Variants in PCSK5 observed in about 807,000 individuals in gnomAD.
PCSK5 encodes prohormone convertase 5.
Under a neutral mutation model 233.2 loss-of-function variants are expected in PCSK5, and 129 were observed. That is an observed-to-expected ratio of 0.55 (90% CI 0.48 to 0.64). The LOEUF (loss-of-function observed/expected upper bound fraction) is 0.64. Among genes scored for constraint, PCSK5 ranks in the 30% least tolerant of loss-of-function variants. PCSK5 has a pLI of 0.00. For missense variants in PCSK5, 2,076 were observed against 2,430.1 expected (o/e 0.85, Z 3.06); for synonymous variants, 825 against 879.2 (o/e 0.94, Z 1.09).
At chr9:76,181,262 C>T (rs1281270609) in intron 15 of PCSK5, 136 bp from the exon 16 acceptor site, 3 of 665,610 alleles carry the variant, frequency 4.5e-6, no homozygotes, top group Non-Finnish European at 7.6e-6. Context: ...ATCTGGCTCT[C>T]TGGATGTGGT....
At chr9:76,010,521 A>G (rs1827685887) in intron 3 of PCSK5, among the ~76,000 whole-genome samples, 3 of 152,216 alleles carry the variant, frequency 2.0e-5, no homozygotes, top group African/African-American at 7.2e-5. Context: ...GTGTTGGAGA[A>G]TAAAGTGGAA....
intron 8 of PCSK5, among the ~76,000 whole-genome samples, chr9:76,103,881 C>G (rs549250547): frequency 6.6e-6 from 1 of 152,206 alleles, no homozygotes; most frequent in East Asian, 1.9e-4. Flanking sequence ...TTGGAGCATG[C>G]AAGATGTGCC....
At chr9:76,092,870 CTCTT>C (rs1462689582) in intron 7 of PCSK5, among the ~76,000 whole-genome samples, 1 of 152,056 alleles carries the variant, frequency 6.6e-6, no homozygotes, top group Non-Finnish European at 1.5e-5. Flanking sequence ...TAACAATTGA[CTCTT>C]TGTTTTCCCT....
chr9:76,189,417 A>G (rs933818967), intron 19 of PCSK5, among the ~76,000 whole-genome samples, 194 bp downstream of exon 19: 3 of 152,166 alleles, frequency 2.0e-5, no homozygotes, highest in African/African-American at 4.8e-5. Context: ...GGGCACCTTA[A>G]AACCTTTAAT....
chr9:76,101,638 C>G (rs969776045), intron 8 of PCSK5, among the ~76,000 whole-genome samples: 2 of 152,126 alleles, frequency 1.3e-5, no homozygotes, highest in Non-Finnish European at 2.9e-5. Flanking sequence ...TCTCAGATTC[C>G]TCCTGGGAGG....
At position 76,108,404 on chromosome 9, in the gene PCSK5, C is replaced by T. The variant is rs543773721; in HGVS notation, c.1208+1053C>T. Among the ~76,000 whole-genome samples, 174 of 152,238 alleles carry T rather than the reference C, an allele frequency of 1.1e-3. 1 individual carries two copies. The highest frequency in any genetic ancestry group is 4.0e-3 in the African/African-American group (165 of 41,538). On this transcript the variant is annotated intron_variant, in intron 9 of 37. Transcript: ENST00000674117. ...CATCTAGCTGCACCCTGAAGTAGAG[C>T]GATAGCCAGTGACAGAGAAGGAATA... is the stretch of plus-strand genomic sequence containing the variant.
intron 20 of PCSK5, chr9:76,193,758 T>C (rs566402375): frequency 6.3e-6 from 1 of 159,650 alleles, no homozygotes; most frequent in Admixed American, 6.2e-5. Flanking sequence ...TAAAAATACC[T>C]TTCCAAAACA....
intron 2 of PCSK5, among the ~76,000 whole-genome samples, chr9:75,985,719 G>A (rs1826482247): frequency 6.6e-6 from 1 of 152,108 alleles, no homozygotes; most frequent in African/African-American, 2.4e-5. Flanking sequence ...TTGCATCAGA[G>A]ACCACGTGAC....
At chr9:75,903,226 G>A (rs79441458) in intron 1 of PCSK5, among the ~76,000 whole-genome samples, 2,598 of 152,100 alleles carry the variant, frequency 0.017, 36 homozygotes, top group South Asian at 0.034. Flanking sequence ...TTTAAAATGA[G>A]TCTTTAAAAT....
intron 13 of PCSK5, 50 bp from the exon 14 acceptor site, chr9:76,174,936 C>T: frequency 6.5e-7 from 1 of 1,540,980 alleles, no homozygotes; most frequent in Non-Finnish European, 8.8e-7. Flanking sequence ...TGTTACAGAG[C>T]TAAAGAGGGA....
intron 24 of PCSK5, among the ~76,000 whole-genome samples, chr9:76,250,336 ACTT>A (rs777026487): frequency 1.9e-4 from 29 of 152,262 alleles, no homozygotes; most frequent in Non-Finnish European, 3.5e-4. Context: ...ACTCCCTACT[ACTT>A]CTTACCTGTG....
chr9:76,095,907 C>T lies in PCSK5; in HGVS notation c.912C>T (p.Gly304=). 2 of 1,614,056 alleles carry T rather than the reference C, an allele frequency of 1.2e-6. No individual in the cohort carries two copies. The highest frequency in any genetic ancestry group is 1.3e-5 in the African/African-American group (1 of 75,004). The change falls in exon 8 of 38, where the codon GGC becomes GGT. Residue 304 remains glycine, a synonymous_variant. Coordinates refer to ENST00000674117, the MANE Select transcript of PCSK5 (RefSeq NM_001372043.1). ...GTGAACAGGGGCGGAGAGGCCTCGG[C>T]TCTGTGTTTGTTTGGGCATCTGGAA... The part of the protein sequence containing the change: ...NGVRMGRRGL[G]SVFVWASGNG...
At chr9:76,062,757 T>G (rs1015374515) in intron 5 of PCSK5, among the ~76,000 whole-genome samples, 1 of 152,226 alleles carries the variant, frequency 6.6e-6, no homozygotes, top group Non-Finnish European at 1.5e-5. Context: ...TAAGGGTAAC[T>G]AGGTTATCCA....
chr9:76,012,033 T>C (rs937403248), intron 3 of PCSK5, among the ~76,000 whole-genome samples: 1 of 152,208 alleles, frequency 6.6e-6, no homozygotes, highest in Non-Finnish European at 1.5e-5. Context: ...ATATCACCTT[T>C]ATGAAGACTA....
chr9:76,117,212 C>T (rs1013931618), intron 9 of PCSK5, among the ~76,000 whole-genome samples: 1 of 152,032 alleles, frequency 6.6e-6, no homozygotes, highest in Non-Finnish European at 1.5e-5. Flanking sequence ...ATGCATGGTC[C>T]TTGCCAGAGC....
chr9:75,938,711 C>A (rs575679556), intron 2 of PCSK5, among the ~76,000 whole-genome samples: 5 of 152,290 alleles, frequency 3.3e-5, no homozygotes, highest in East Asian at 1.9e-4. Context: ...TTAGAGACTG[C>A]AAATTTCTAC....
intron 35 of PCSK5, among the ~76,000 whole-genome samples, chr9:76,343,363 G>A (rs558919655): frequency 3.3e-5 from 5 of 151,048 alleles, no homozygotes; most frequent in Non-Finnish European, 7.4e-5. Context: ...GTGTGTGTGT[G>A]TGTGTGTGTG....
intron 33 of PCSK5, among the ~76,000 whole-genome samples, chr9:76,332,149 T>C (rs1478778271): frequency 2.0e-5 from 3 of 152,040 alleles, no homozygotes; most frequent in East Asian, 3.9e-4. Context: ...AGATGAGATT[T>C]GGATCTCTGA....
chr9:76,048,216 A>G (rs1386360597), intron 5 of PCSK5, among the ~76,000 whole-genome samples: 1 of 152,102 alleles, frequency 6.6e-6, no homozygotes, highest in African/African-American at 2.4e-5. Flanking sequence ...TTTGACTTTT[A>G]TTGTTTGTTT....
Sources: allele counts gnomAD v4.1 joint callset (sites outside exome capture counted in the v4.1 genomes callset), GRCh38; gene constraint gnomAD v4.1.1; transcripts MANE v1.5; gene names NCBI Gene and HGNC (gene_info 2026-07-23, HGNC 2026-07-21).